Variants in CAB39 observed in about 807,000 individuals in gnomAD.
CAB39 encodes the protein calcium binding protein 39, also known as calcium-binding protein 39.
Under a neutral mutation model 40.0 loss-of-function variants are expected in CAB39, and 8 were observed. The ratio of observed to expected loss-of-function variants is 0.20; its 90% CI spans 0.12 to 0.36. CAB39 has a LOEUF of 0.36. Ranked by LOEUF, CAB39 falls within the 10% of genes least tolerant of loss-of-function variation. The pLI, the probability that CAB39 is intolerant of heterozygous loss-of-function variation, is 1.00. For missense variants in CAB39, 270 were observed against 401.1 expected (o/e 0.67, Z 2.79); for synonymous variants, 156 against 141.6 (o/e 1.10, Z -0.72).
chr2:230,739,633 T>TA (rs768079598), intron 1 of CAB39, among the ~76,000 whole-genome samples: 12 of 152,224 alleles, frequency 7.9e-5, no homozygotes, highest in African/African-American at 1.2e-4. Flanking sequence ...TGGCTAGGAT[T>TA]ACAGGCATGC....
rs1342014914 is a variant in CAB39, at chr2:230,748,103, G to T, written c.-43-11856G>T. On this transcript the variant is annotated intron_variant, in intron 1 of 8. Transcript: ENST00000258418. ...TGAGGCTCTTATTATTTAAGTCTCT[G>T]CTGTCTTTTTTTTTTTTCCTTTTTC... is the stretch of plus-strand genomic sequence containing the variant. 2.6e-5 allele frequency among the ~76,000 whole-genome samples: 4 copies of T among 151,506 alleles called. No homozygotes were observed. The East Asian group carries it at 7.8e-4, about 29-fold the overall frequency.
intron 1 of CAB39, among the ~76,000 whole-genome samples, chr2:230,738,232 C>G (rs970172602): frequency 6.6e-6 from 1 of 152,236 alleles, no homozygotes; most frequent in African/African-American, 2.4e-5. Context: ...TTCTCCCCAG[C>G]TGTATTCTAA....
intron 2 of CAB39, among the ~76,000 whole-genome samples, chr2:230,773,739 G>C (rs1695533848): frequency 6.6e-6 from 1 of 152,126 alleles, no homozygotes; most frequent in South Asian, 2.1e-4. Context: ...AATGTATTTG[G>C]GAGACCATAT....
At chr2:230,759,710 T>C (rs964369485) in intron 1 of CAB39, among the ~76,000 whole-genome samples, 4 of 152,182 alleles carry the variant, frequency 2.6e-5, no homozygotes, top group Non-Finnish European at 4.4e-5. Flanking sequence ...ATTTGCGTGG[T>C]TAGGAGAGCA....
rs544793328 is a variant in CAB39, at chr2:230,731,628, A to G, written c.-44+18398A>G. Among the ~76,000 whole-genome samples the G allele has an allele frequency of 1.9e-3, 295 of 152,280 alleles. 1 individual carries two copies. Among genetic ancestry groups the G allele is most frequent in the Non-Finnish European group, 3.4e-3 (232 of 68,018 alleles). On this transcript the variant is annotated intron_variant, in intron 1 of 8. Coordinates refer to ENST00000258418, the MANE Select transcript of CAB39 (RefSeq NM_016289.4). Reference sequence around the variant, plus strand: ...AGTAATCGTCCCTCCTCAGCCTCTCAAGTAGCTAGGACTACAGACGAGCAC... The same window carrying G: ...AGTAATCGTCCCTCCTCAGCCTCTCGAGTAGCTAGGACTACAGACGAGCAC...
chr2:230,739,525 C>T (rs551250581), intron 1 of CAB39, among the ~76,000 whole-genome samples: 2 of 152,274 alleles, frequency 1.3e-5, no homozygotes, highest in South Asian at 4.1e-4. Context: ...GACAGAGTTT[C>T]GCCCTGTTGC....
At chr2:230,731,477 A>G (rs978745325) in intron 1 of CAB39, among the ~76,000 whole-genome samples, 5 of 152,166 alleles carry the variant, frequency 3.3e-5, no homozygotes, top group Admixed American at 3.3e-4. Context: ...TTAACTCTGA[A>G]TATACTGAAA....
intron 5 of CAB39, among the ~76,000 whole-genome samples, chr2:230,803,624 C>T (rs1696132683): frequency 6.6e-6 from 1 of 152,070 alleles, no homozygotes; most frequent in African/African-American, 2.4e-5. Flanking sequence ...AGACAGAGAG[C>T]CAAATCATGA....
intron 2 of CAB39, among the ~76,000 whole-genome samples, chr2:230,766,920 G>T (rs1320989100): frequency 6.6e-6 from 1 of 152,150 alleles, no homozygotes; most frequent in East Asian, 1.9e-4. Context: ...CAAGAAAGTA[G>T]CTCATTCACT....
intron 5 of CAB39, among the ~76,000 whole-genome samples, chr2:230,800,026 C>A (rs1298193083): frequency 6.6e-6 from 1 of 151,866 alleles, no homozygotes; most frequent in African/African-American, 2.4e-5. Context: ...CACACACACA[C>A]ACAGCCCAAA....
chr2:230,818,536 C>G lies in CAB39; in HGVS notation c.858C>G (p.Asn286Lys). The G allele has an allele frequency of 6.2e-7, 1 of 1,613,948 alleles. No homozygotes were observed. The highest frequency in any genetic ancestry group is 8.5e-7 in the Non-Finnish European group (1 of 1,179,954). Residue 286 changes from asparagine (N) to lysine (K), a missense_variant, in exon 9 of 9, where the codon AAC becomes AAG. Coordinates refer to ENST00000258418, the MANE Select transcript of CAB39 (RefSeq NM_016289.4). ...HVFKVFVANP[N>K]KTQPILDILL... is the part of the protein sequence containing the mutation. ...CGCAGGTGTTTGTAGCCAATCCTAA[C>G]AAGACGCAGCCCATCCTAGACATCC...
intron 5 of CAB39, among the ~76,000 whole-genome samples, chr2:230,800,653 G>T (rs778310401): frequency 2.0e-5 from 3 of 152,136 alleles, no homozygotes; most frequent in Non-Finnish European, 4.4e-5. Context: ...GGAGCCTGAG[G>T]GTGGCAGTAC....
intron 1 of CAB39, among the ~76,000 whole-genome samples, chr2:230,718,187 C>CTGT (rs1444680961): frequency 6.6e-6 from 1 of 152,204 alleles, no homozygotes; most frequent in Non-Finnish European, 1.5e-5. Context: ...AAGTATGATA[C>CTGT]TGTTAAAAGA....
intron 2 of CAB39, among the ~76,000 whole-genome samples, chr2:230,762,691 A>G (rs1235645463): frequency 6.6e-6 from 1 of 152,252 alleles, no homozygotes; most frequent in African/African-American, 2.4e-5. Flanking sequence ...GTGGCTAAAT[A>G]TGTTGTCTAC....
rs1158314487 is a variant in CAB39 at position 230,713,003 on chromosome 2, C to T, written c.-271C>T. Reference sequence around the variant, plus strand: ...CAGCAGCAGCCGCAGCCCAAGCGAGCGCAGCAGCGCGGCGGCAGCCGCGGG... The same window carrying T: ...CAGCAGCAGCCGCAGCCCAAGCGAGTGCAGCAGCGCGGCGGCAGCCGCGGG... On this transcript the variant is annotated 5_prime_UTR_variant, in exon 1 of 9. Coordinates refer to ENST00000258418, the MANE Select transcript of CAB39 (RefSeq NM_016289.4). 1 of 150,760 alleles carries T rather than the reference C, an allele frequency of 6.6e-6. No homozygotes were observed. The highest frequency in any genetic ancestry group is 1.5e-5 in the Non-Finnish European group (1 of 67,504). 9.3% of individuals were successfully genotyped at this position (150,760 alleles called of 1,614,324 possible). A position where few individuals can be genotyped will look rare whatever the true frequency, so the allele number is the denominator to read the frequency against.
intron 2 of CAB39, among the ~76,000 whole-genome samples, chr2:230,784,654 G>T (rs527661868): frequency 1.3e-5 from 2 of 152,270 alleles, no homozygotes; most frequent in South Asian, 4.2e-4. Flanking sequence ...TCAGAGGCGG[G>T]TGTAATCAGC....
At chr2:230,806,815 C>T (rs1349029226) in intron 5 of CAB39, among the ~76,000 whole-genome samples, 1 of 152,138 alleles carries the variant, frequency 6.6e-6, no homozygotes, top group Non-Finnish European at 1.5e-5. Flanking sequence ...TAGACATAAT[C>T]AAACATCAAG....
chr2:230,762,585 C>G (rs1695314391), intron 2 of CAB39, among the ~76,000 whole-genome samples: 1 of 152,216 alleles, frequency 6.6e-6, no homozygotes, highest in African/African-American at 2.4e-5. Context: ...TGGAACTGCC[C>G]TCAGTGGCTA....
rs1372305061 is a variant in CAB39 at position 230,820,929 on chromosome 2, T to G, written c.*2225T>G. On this transcript the variant is annotated 3_prime_UTR_variant, in exon 9 of 9. Coordinates refer to ENST00000258418, the MANE Select transcript of CAB39 (RefSeq NM_016289.4). Reference sequence around the variant, plus strand: ...ACATAAGGCAGTTACTTAATGTGATTTTTAACCCTTAAAAAAGTGGAGATG... The same window carrying G: ...ACATAAGGCAGTTACTTAATGTGATGTTTAACCCTTAAAAAAGTGGAGATG... 2 of 152,692 alleles carry G rather than the reference T, an allele frequency of 1.3e-5. No homozygotes were observed. The highest frequency in any genetic ancestry group is 2.9e-5 in the Non-Finnish European group (2 of 68,046). 9.5% of individuals were successfully genotyped at this position (152,692 alleles called of 1,614,324 possible). A position where few individuals can be genotyped will look rare whatever the true frequency, so the allele number is the denominator to read the frequency against.
Sources: gnomAD v4.1 joint callset for allele counts (sites outside exome capture counted in the v4.1 genomes callset) on GRCh38, gnomAD v4.1.1 for gene constraint, MANE v1.5 for transcripts, NCBI Gene and HGNC (gene_info 2026-07-23, HGNC 2026-07-21) for gene names.